DYNC1H1: variants seen among roughly 807,000 people sequenced by gnomAD.
DYNC1H1 encodes the protein dynein cytoplasmic 1 heavy chain 1, also known as cytoplasmic dynein 1 heavy chain 1.
DYNC1H1 carries 51 observed loss-of-function variants against 527.1 expected under a neutral mutation model. The ratio of observed to expected loss-of-function variants is 0.10; its 90% CI spans 0.08 to 0.12. The LOEUF (loss-of-function observed/expected upper bound fraction) is 0.12. DYNC1H1 is among the 10% of genes least tolerant of loss of function. The pLI is 1.00. For missense variants in DYNC1H1, 2,771 were observed against 5,971.8 expected, an observed-to-expected ratio of 0.46 and a Z score of 17.66; for synonymous variants, 2,189 against 2,278.8, an observed-to-expected ratio of 0.96 and a Z score of 1.12.
chr14:102,048,006 A>G lies in DYNC1H1; in HGVS notation c.13196A>G (p.Lys4399Arg), dbSNP rs879253906. 2 of 1,611,668 alleles carry G rather than the reference A, an allele frequency of 1.2e-6. No individual in the cohort carries two copies. Among genetic ancestry groups the G allele is most frequent in the African/African-American group, 1.3e-5 (1 of 74,870 alleles). The change falls in exon 73 of 78, where the codon AAG (lysine) becomes AGG (arginine). Residue 4399 changes from lysine (K) to arginine (R), a missense_variant. Physicochemically the swap from Lys to Arg is conservative, Grantham distance 26. Transcript: ENST00000360184. ...ATCCCCCAGACGCTGAGCCACCTCA[A>G]GCGCACCGTGGAGAATATCAAGGTA... ...HLIPQTLSHL[K>R]RTVENIKDPL... is the part of the protein sequence containing the mutation.
intron 15 of DYNC1H1, among the ~76,000 whole-genome samples, 169 bp downstream of exon 15, chr14:101,995,469 G>A (rs1429242349): frequency 6.6e-6 from 1 of 152,040 alleles, no homozygotes. Context: ...AAATTAGCCG[G>A]GTGTGGTGGC....
At chr14:101,991,707 G>T (rs866571064) in intron 11 of DYNC1H1, 34 bp downstream of exon 11, 2 of 1,613,852 alleles carry the variant, frequency 1.2e-6, no homozygotes, top group Non-Finnish European at 1.7e-6. Flanking sequence ...ACACGCCTCT[G>T]ACCAGGACTC....
In DYNC1H1 at chr14:102,016,602, T is replaced by C. The variant is rs118118740; in HGVS notation, c.7614+113T>C. On this transcript the variant is annotated intron_variant, in intron 37 of 77. Transcript: ENST00000360184. This position sits in a 1 kb window ranked among gnomAD's most constrained non-coding sequence, Gnocchi z 7.3. ...CGTCTTTTCATTTTATTCCATTTCA[T>C]AGAAGGACTTTATCCTTTTAGTTCC... 0.021 allele frequency: 33,557 copies of C among 1,592,690 alleles called. 426 individuals are homozygous for C. Among genetic ancestry groups the C allele is most frequent in the Non-Finnish European group, 0.024 (27,360 of 1,163,314 alleles).
chr14:101,983,416 G>T lies in DYNC1H1; in HGVS notation c.1268G>T (p.Trp423Leu). 1 of 1,614,102 alleles carries T rather than the reference G, an allele frequency of 6.2e-7. No homozygotes were observed. The highest frequency in any genetic ancestry group is 1.1e-5 in the South Asian group (1 of 91,070). The change falls in exon 7 of 78, where the codon TGG becomes TTG. Residue 423 changes from tryptophan to leucine, a missense_variant. Trp to Leu is a moderately conservative substitution (Grantham distance 61, BLOSUM62 -2). Transcript: ENST00000360184. The surrounding 1 kb of genome is among the most constrained non-coding windows in gnomAD (Gnocchi z 5.3). Reference sequence around the variant, plus strand: ...GCATGCTTTGAAGTTTTTCAGACTTGGGATGATGAGTATGAGAAACTTCAG... The same window carrying T: ...GCATGCTTTGAAGTTTTTCAGACTTTGGATGATGAGTATGAGAAACTTCAG... ...MVACFEVFQT[W>L]DDEYEKLQVL...
Position 102,012,819 on chromosome 14 carries a change from C to G in DYNC1H1, c.7014+349C>G. Reference sequence around the variant, plus strand: ...AATGAGAAATTTGGAATGGGGCTTTCTAGGCTGTCCCTTGGAAAATGAGTG... The same window carrying G: ...AATGAGAAATTTGGAATGGGGCTTTGTAGGCTGTCCCTTGGAAAATGAGTG... On this transcript the variant is annotated intron_variant, in intron 34 of 77. Coordinates refer to ENST00000360184, the MANE Select transcript of DYNC1H1 (RefSeq NM_001376.5). The surrounding 1 kb of genome is among the most constrained non-coding windows in gnomAD (Gnocchi z 4.9). 2.7e-6 allele frequency: 1 copy of G among 366,362 alleles called. No individual in the cohort carries two copies. Among genetic ancestry groups the G allele is most frequent in the Non-Finnish European group, 5.2e-6 (1 of 191,826 alleles). 22.7% of individuals were successfully genotyped at this position (366,362 alleles called of 1,614,324 possible).
At chr14:102,035,601 A>C (rs1467783122) in intron 56 of DYNC1H1, 1 of 152,204 alleles carries the variant, frequency 6.6e-6, no homozygotes, top group Non-Finnish European at 1.5e-5. Flanking sequence ...TGAAGACTGG[A>C]GATAACTCAG....
At position 101,986,775 on chromosome 14, in the gene DYNC1H1, T is replaced by G; in HGVS notation, c.2538+12T>G. On this transcript the variant is annotated intron_variant, in intron 8 of 77. Coordinates refer to ENST00000360184, the MANE Select transcript of DYNC1H1 (RefSeq NM_001376.5). The surrounding 1 kb of genome is among the most constrained non-coding windows in gnomAD (Gnocchi z 8.7). ...ACTTCCAAGAAAAGGTATGCTCTCA[T>G]GTAATCCTCAGGTGTCCTGGTAACG... 2 of 1,614,024 alleles carry G rather than the reference T, an allele frequency of 1.2e-6. No individual in the cohort carries two copies. Among genetic ancestry groups the G allele is most frequent in the African/African-American group, 2.7e-5 (2 of 75,048 alleles).
At chr14:102,007,296 G>A (rs983245229) in intron 28 of DYNC1H1, among the ~76,000 whole-genome samples, 188 bp downstream of exon 28, 1 of 152,204 alleles carries the variant, frequency 6.6e-6, no homozygotes, top group African/African-American at 2.4e-5. Flanking sequence ...TACATGCATT[G>A]AAGTTGACTT....
chr14:101,972,732 A>C (rs958943137), intron 1 of DYNC1H1, among the ~76,000 whole-genome samples: 7 of 152,234 alleles, frequency 4.6e-5, no homozygotes, highest in Admixed American at 3.9e-4. Context: ...GAAATGATTC[A>C]GAGTTAACAA....
rs895938928 is a variant in DYNC1H1, at chr14:102,029,317, A to T, written c.9469-222A>T. 1.7e-6 allele frequency: 1 copy of T among 590,858 alleles called. No homozygotes were observed. Among genetic ancestry groups the T allele is most frequent in the African/African-American group, 1.9e-5 (1 of 53,786 alleles). The allele number at this position is 590,858 out of a possible 1,614,324, so 36.6% of individuals were successfully genotyped here. On this transcript the variant is annotated intron_variant, in intron 48 of 77. Transcript: ENST00000360184. The surrounding 1 kb of genome is among the most constrained non-coding windows in gnomAD (Gnocchi z 5.3). ...CACCTCTAAAGTTGGTGTAATCACC[A>T]TCCTCAGTTTAGAGAAGTTAAAGGG... is the stretch of plus-strand genomic sequence containing the variant.
chr14:102,039,372 C>T lies in DYNC1H1; in HGVS notation c.11461-40C>T, dbSNP rs745408389. On this transcript the variant is annotated intron_variant, in intron 60 of 77. Transcript: ENST00000360184. The surrounding 1 kb of genome is among the most constrained non-coding windows in gnomAD (Gnocchi z 7.0). Reference sequence around the variant, plus strand: ...GCCACGCAGAAGTTCAGCGGGGTGCCGAGGGAGCTGCCTCACCGCTGCCCA... The same window carrying T: ...GCCACGCAGAAGTTCAGCGGGGTGCTGAGGGAGCTGCCTCACCGCTGCCCA... 1.5e-5 allele frequency: 24 copies of T among 1,613,952 alleles called. No individual in the cohort carries two copies. Among genetic ancestry groups the T allele is most frequent in the African/African-American group, 2.7e-5 (2 of 74,934 alleles).
rs934545805 is a variant in DYNC1H1 at position 102,039,840 on chromosome 14, CTTTAT to C, written c.11690+117_11690+121del. The C allele has an allele frequency of 1.1e-4, 109 of 961,820 alleles. No homozygotes were observed. Among genetic ancestry groups the C allele is most frequent in the African/African-American group, 6.2e-4 (10 of 16,016 alleles). The allele number at this position is 961,820 out of a possible 1,614,324, so 59.6% of individuals were successfully genotyped here. Reference sequence around the variant, plus strand: ...TTTCTTTTATTTTCTCTTTTATTTTCTTTATTTTATTTTTTGAGACGGAGTCTCCC... The same window carrying C: ...TTTCTTTTATTTTCTCTTTTATTTTCTTTATTTTTTGAGACGGAGTCTCCC... On this transcript the variant is annotated intron_variant, in intron 62 of 77. Coordinates refer to ENST00000360184, the MANE Select transcript of DYNC1H1 (RefSeq NM_001376.5). The surrounding 1 kb of genome is among the most constrained non-coding windows in gnomAD (Gnocchi z 7.0).
chr14:101,976,117 G>A (rs1156312529), intron 2 of DYNC1H1, among the ~76,000 whole-genome samples: 1 of 151,132 alleles, frequency 6.6e-6, no homozygotes, highest in African/African-American at 2.4e-5. Context: ...GTGTTGGTCA[G>A]GCTGGTCTCG....
At chr14:102,022,906 A>T in intron 43 of DYNC1H1, 26 bp downstream of exon 43, 2 of 1,614,094 alleles carry the variant, frequency 1.2e-6, no homozygotes, top group Non-Finnish European at 1.7e-6. Context: ...CATTTCAGAC[A>T]TACTTCTTTT....
At chr14:102,022,682 C>T in intron 42 of DYNC1H1, 69 bp from the exon 43 acceptor site, 1 of 1,610,450 alleles carries the variant, frequency 6.2e-7, no homozygotes, top group Non-Finnish European at 8.5e-7. Context: ...CACCCACAAA[C>T]ATGGTGAACA....
rs1170815274 is a variant in DYNC1H1, at chr14:102,048,610, G to A, written c.13313G>A (p.Cys4438Tyr). Residue 4438 changes from cysteine (C) to tyrosine (Y), a missense_variant, in exon 74 of 78, where the codon TGC becomes TAC. Cys to Tyr is a radical substitution (Grantham distance 194). This residue lies in a region of DYNC1H1 where 170 missense variants were observed against 249.8 expected (regional missense o/e 0.68). Transcript: ENST00000360184. ...GACCTTGCAGATGTCGTCCAGGTGT[G>A]CGAAGGAAAGAAGAAGCAGACCAAC... ...RQDLADVVQV[C>Y]EGKKKQTNYL... is the part of the protein sequence containing the mutation. 3.7e-6 allele frequency: 6 copies of A among 1,614,050 alleles called. No individual in the cohort carries two copies. The highest frequency in any genetic ancestry group is 1.7e-5 in the Admixed American group (1 of 60,012).
intron 51 of DYNC1H1, among the ~76,000 whole-genome samples, chr14:102,031,397 G>A (rs1240974743): frequency 6.6e-6 from 1 of 152,082 alleles, no homozygotes; most frequent in East Asian, 1.9e-4. Flanking sequence ...GCCACACCCA[G>A]CTAATTTTTG....
rs771924433 is a variant in DYNC1H1, at chr14:102,002,707, T to C, written c.4709+4T>C. ...TGGAAACCCAGCGGTTTCAGAGGTA[T>C]GGCCTCCAGCCAGAGAGCCAAATTT... is the stretch of plus-strand genomic sequence containing the variant. On this transcript the variant is annotated splice_donor_region_variant and intron_variant, in intron 22 of 77. Coordinates refer to ENST00000360184, the MANE Select transcript of DYNC1H1 (RefSeq NM_001376.5). This position sits in a 1 kb window ranked among gnomAD's most constrained non-coding sequence, Gnocchi z 4.4. 3 of 1,614,256 alleles carry C rather than the reference T, an allele frequency of 1.9e-6. No individual in the cohort carries two copies. The South Asian group carries it at 3.3e-5, about 18-fold the overall frequency.
chr14:101,989,612 T>C (rs1299543098), intron 10 of DYNC1H1, among the ~76,000 whole-genome samples: 1 of 152,240 alleles, frequency 6.6e-6, no homozygotes, highest in African/African-American at 2.4e-5. Context: ...GTAAAAACCT[T>C]GATCTGGGAG....
Sources: gnomAD v4.1 joint callset for allele counts (sites outside exome capture counted in the v4.1 genomes callset) on GRCh38, gnomAD v4.1.1 for gene constraint, gnomAD v4.1.1 regional missense constraint, Gnocchi (gnomAD v3.1) non-coding constraint, MANE v1.5 for transcripts, NCBI Gene and HGNC (gene_info 2026-07-23, HGNC 2026-07-21) for gene names.